Variants in RAB8A observed in about 807,000 individuals in gnomAD.
RAB8A encodes ras-related protein Rab-8A.
A neutral mutation model predicts 29.2 loss-of-function variants in RAB8A; 5 were observed. That is an observed-to-expected ratio of 0.17 (90% CI 0.09 to 0.36). RAB8A has a LOEUF of 0.36. Among genes scored for constraint, RAB8A ranks in the 10% least tolerant of loss-of-function variants. The probability of loss-of-function intolerance (pLI) is 1.00; values close to 1 mark genes in which losing one functional copy is unlikely to be tolerated. For synonymous variants in RAB8A, 108 were observed against 99.9 expected (o/e 1.08, Z -0.49); for missense variants, 171 against 272.2 (o/e 0.63, Z 2.62).
chr19:16,129,856 G>A (rs1029167509), intron 7 of RAB8A, among the ~76,000 whole-genome samples: 2 of 152,162 alleles, frequency 1.3e-5, no homozygotes, highest in African/African-American at 2.4e-5. Context: ...GGGAGCACAC[G>A]GCCTTTTCCA....
rs1461923534 is a variant in RAB8A at position 16,125,242 on chromosome 19, C to T, written c.247-228C>T. 1.5e-5 allele frequency: 9 copies of T among 587,140 alleles called. No homozygotes were observed. The highest frequency in any genetic ancestry group is 2.1e-5 in the Non-Finnish European group (7 of 328,466). 36.4% of individuals were successfully genotyped at this position (587,140 alleles called of 1,614,324 possible). On this transcript the variant is annotated intron_variant, in intron 3 of 7. Coordinates refer to ENST00000300935, the MANE Select transcript of RAB8A (RefSeq NM_005370.5). The surrounding 1 kb of genome is among the most constrained non-coding windows in gnomAD (Gnocchi z 5.0). ...AGGCAGAAGGGTCACCTCAGCGGCC[C>T]GGGGGGCAGGACAAGGCTGGTGCCA...
chr19:16,126,290 G>A (rs1276610390), intron 4 of RAB8A: 1 of 155,358 alleles, frequency 6.4e-6, no homozygotes, highest in Non-Finnish European at 1.4e-5. Context: ...CCTCCCCAGT[G>A]ACCCTGAGAG....
At chr19:16,112,065 G>A in intron 1 of RAB8A, 40 bp downstream of exon 1, 1 of 1,608,518 alleles carries the variant, frequency 6.2e-7, no homozygotes, top group Non-Finnish European at 8.5e-7. Context: ...CCGGAGGCCC[G>A]GGCTGGGCGC....
At position 16,115,469 on chromosome 19, in the gene RAB8A, G is replaced by A. The variant is rs183989097; in HGVS notation, c.125-2757G>A. ...TCATTTGTGGTGTGAACTTGGCCCT[G>A]TAGCTCCCTGGAATGGGTTCTCACC... On this transcript the variant is annotated intron_variant, in intron 1 of 7. Transcript: ENST00000300935. 1.0e-3 allele frequency among the ~76,000 whole-genome samples: 156 copies of A among 152,270 alleles called. No homozygotes were observed. In the Middle Eastern group the frequency reaches 0.014, roughly 13 times the overall value.
At position 16,118,277 on chromosome 19, in the gene RAB8A, T is replaced by G; in HGVS notation, c.176T>G (p.Leu59Arg). 1 of 1,611,166 alleles carries G rather than the reference T, an allele frequency of 6.2e-7. No homozygotes were observed. The highest frequency in any genetic ancestry group is 8.5e-7 in the Non-Finnish European group (1 of 1,178,792). ...TIELDGKRIK[L>R]QIWDTAGQER... is the part of the protein sequence containing the mutation. The stretch of plus-strand genomic sequence containing the variant: ...GAGCTCGATGGCAAGAGAATTAAAC[T>G]GCAGATATGGTAAGAGTCATTGTTC... Residue 59 changes from leucine (L) to arginine (R), a missense_variant, in exon 2 of 8, where the codon CTG (leucine) becomes CGG (arginine). This residue lies in a region of RAB8A where 145 missense variants were observed against 212.8 expected (regional missense o/e 0.68). Coordinates refer to ENST00000300935, the MANE Select transcript of RAB8A (RefSeq NM_005370.5).
rs1286042993 is a variant in RAB8A at position 16,122,344 on chromosome 19, A to G, written c.246+534A>G. On this transcript the variant is annotated intron_variant, in intron 3 of 7. Transcript: ENST00000300935. This position sits in a 1 kb window ranked among gnomAD's most constrained non-coding sequence, Gnocchi z 4.7. ...CCTTAACTAGATGCAGAAGGCGGCC[A>G]GGGATGGGACGAGGTCCTGTGTCAG... 1.3e-5 allele frequency among the ~76,000 whole-genome samples: 2 copies of G among 152,166 alleles called. No homozygotes were observed. Among genetic ancestry groups the G allele is most frequent in the East Asian group, 3.9e-4 (2 of 5,184 alleles).
rs768377887 is a variant in RAB8A, at chr19:16,127,567, TG to T, written c.414+45del. On this transcript the variant is annotated intron_variant, in intron 5 of 7. Coordinates refer to ENST00000300935, the MANE Select transcript of RAB8A (RefSeq NM_005370.5). This position sits in a 1 kb window ranked among gnomAD's most constrained non-coding sequence, Gnocchi z 4.8. The stretch of plus-strand genomic sequence containing the variant: ...CAAGGGGCAGAGGGCCTCGGGGTCT[TG>T]GGGTTCTTGTGCAGAGGCCTTCCCC... 7.0e-7 allele frequency: 1 copy of T among 1,419,986 alleles called. No individual in the cohort carries two copies. Among genetic ancestry groups the T allele is most frequent in the Non-Finnish European group, 9.4e-7 (1 of 1,061,892 alleles). 88.0% of individuals were successfully genotyped at this position (1,419,986 alleles called of 1,614,324 possible).
At position 16,125,368 on chromosome 19, in the gene RAB8A, C is replaced by T. The variant is rs533550977; in HGVS notation, c.247-102C>T. 90 of 988,262 alleles carry T rather than the reference C, an allele frequency of 9.1e-5. 1 individual carries two copies. The Admixed American group carries it at 1.7e-3, about 18-fold the overall frequency. 61.2% of individuals were successfully genotyped at this position (988,262 alleles called of 1,614,324 possible). A position where few individuals can be genotyped will look rare whatever the true frequency, so the allele number is the denominator to read the frequency against. On this transcript the variant is annotated intron_variant, in intron 3 of 7. Transcript: ENST00000300935. This position sits in a 1 kb window ranked among gnomAD's most constrained non-coding sequence, Gnocchi z 5.0. ...GCGGCAGCTAATGGGCCTGGCTGTG[C>T]AGTGGGTGCTGGGCTCCCCACCACT...
intron 2 of RAB8A, among the ~76,000 whole-genome samples, chr19:16,119,883 G>C (rs2090865935): frequency 6.7e-6 from 1 of 150,024 alleles, no homozygotes; most frequent in Non-Finnish European, 1.5e-5. Context: ...GCACGATTTT[G>C]GCTCACTGCA....
chr19:16,111,966 C>G lies in RAB8A; in HGVS notation c.65C>G (p.Thr22Ser). 6.2e-7 allele frequency: 1 copy of G among 1,614,072 alleles called. No homozygotes were observed. The highest frequency in any genetic ancestry group is 8.5e-7 in the Non-Finnish European group (1 of 1,179,894). Residue 22 changes from threonine (T) to serine (S), a missense_variant, in exon 1 of 8, where the codon ACC (threonine) becomes AGC (serine). Coordinates refer to ENST00000300935, the MANE Select transcript of RAB8A (RefSeq NM_005370.5). ...ATCGGGGACTCGGGGGTGGGGAAGACCTGTGTCCTGTTCCGCTTCTCCGAG... is the reference window on the plus strand; with the variant it reads ...ATCGGGGACTCGGGGGTGGGGAAGAGCTGTGTCCTGTTCCGCTTCTCCGAG... ...LLIGDSGVGKTCVLFRFSEDA... is the reference protein window; with the variant it reads ...LLIGDSGVGKSCVLFRFSEDA...
chr19:16,117,748 G>A (rs2090852855), intron 1 of RAB8A, among the ~76,000 whole-genome samples: 1 of 152,184 alleles, frequency 6.6e-6, no homozygotes, highest in Non-Finnish European at 1.5e-5. Context: ...TGACGGGCCA[G>A]TGGGACACAG....
At chr19:16,131,877 TG>T (rs2090926071) in intron 7 of RAB8A, among the ~76,000 whole-genome samples, 4 of 147,606 alleles carry the variant, frequency 2.7e-5, no homozygotes, top group Non-Finnish European at 6.1e-5. Flanking sequence ...GTTGGTTGGT[TG>T]GTTGGTTGGT....
intron 1 of RAB8A, among the ~76,000 whole-genome samples, chr19:16,117,241 C>T (rs1412937431): frequency 2.0e-5 from 3 of 152,010 alleles, no homozygotes; most frequent in Non-Finnish European, 4.4e-5. Context: ...ATAATCCCAG[C>T]ACTTTGGGAG....
At position 16,127,821 on chromosome 19, in the gene RAB8A, A is replaced by C. The variant is rs2090908456; in HGVS notation, c.415-205A>C. ...CCGCCACCCTCCCATCTCAGCTGCC[A>C]TCCCCAGCAACTCCATGCCCTGTGA... On this transcript the variant is annotated intron_variant, in intron 5 of 7. Coordinates refer to ENST00000300935, the MANE Select transcript of RAB8A (RefSeq NM_005370.5). The surrounding 1 kb of genome is among the most constrained non-coding windows in gnomAD (Gnocchi z 4.8). The C allele has an allele frequency of 1.6e-6, 1 of 638,046 alleles. No homozygotes were observed. The highest frequency in any genetic ancestry group is 2.8e-6 in the Non-Finnish European group (1 of 355,308). The allele number at this position is 638,046 out of a possible 1,614,324, so 39.5% of individuals were successfully genotyped here. A position where few individuals can be genotyped will look rare whatever the true frequency, so the allele number is the denominator to read the frequency against.
At chr19:16,116,255 G>T (rs2090845337) in intron 1 of RAB8A, among the ~76,000 whole-genome samples, 1 of 152,180 alleles carries the variant, frequency 6.6e-6, no homozygotes, top group Non-Finnish European at 1.5e-5. Context: ...TGTGTGGATG[G>T]TGTGGCCAGA....
chr19:16,118,768 C>A (rs908263992), intron 2 of RAB8A, among the ~76,000 whole-genome samples: 1 of 152,184 alleles, frequency 6.6e-6, no homozygotes, highest in Non-Finnish European at 1.5e-5. Flanking sequence ...GCGTACAGAC[C>A]GAAACCCCAA....
chr19:16,124,932 C>T, intron 3 of RAB8A: 1 of 185,196 alleles, frequency 5.4e-6, no homozygotes, highest in Non-Finnish European at 1.2e-5. Flanking sequence ...ACTCTCGGCT[C>T]CATCTTCACA....
At position 16,127,574 on chromosome 19, in the gene RAB8A, C is replaced by A; in HGVS notation, c.414+48C>A. On this transcript the variant is annotated intron_variant, in intron 5 of 7. Transcript: ENST00000300935. The surrounding 1 kb of genome is among the most constrained non-coding windows in gnomAD (Gnocchi z 4.8). ...CAGAGGGCCTCGGGGTCTTGGGGTT[C>A]TTGTGCAGAGGCCTTCCCCTGTCCC... is the stretch of plus-strand genomic sequence containing the variant. 7.2e-7 allele frequency: 1 copy of A among 1,393,550 alleles called. No homozygotes were observed. The highest frequency in any genetic ancestry group is 1.4e-5 in the African/African-American group (1 of 69,200). 86.3% of individuals were successfully genotyped at this position (1,393,550 alleles called of 1,614,324 possible). A position where few individuals can be genotyped will look rare whatever the true frequency, so the allele number is the denominator to read the frequency against.
chr19:16,112,064 C>G, intron 1 of RAB8A, 39 bp downstream of exon 1: 3 of 1,608,088 alleles, frequency 1.9e-6, no homozygotes, highest in South Asian at 2.2e-5. Flanking sequence ...GCCGGAGGCC[C>G]GGGCTGGGCG....
Sources: gnomAD v4.1 joint callset for allele counts (sites outside exome capture counted in the v4.1 genomes callset) on GRCh38, gnomAD v4.1.1 for gene constraint, gnomAD v4.1.1 regional missense constraint, Gnocchi (gnomAD v3.1) non-coding constraint, MANE v1.5 for transcripts, NCBI Gene and HGNC (gene_info 2026-07-23, HGNC 2026-07-21) for gene names.